Variants in NCAM2 observed in about 807,000 individuals in gnomAD.
The protein encoded by NCAM2 is neural cell adhesion molecule 2, also known as N-CAM-2.
NCAM2 carries 30 observed loss-of-function variants against 98.1 expected under a neutral mutation model. The ratio of observed to expected loss-of-function variants is 0.31; its 90% CI spans 0.23 to 0.41. NCAM2 has a LOEUF of 0.41. Ranked by LOEUF, NCAM2 falls within the 10% of genes least tolerant of loss-of-function variation. NCAM2 has a pLI of 1.00. For missense variants in NCAM2, 867 were observed against 1,005.8 expected (o/e 0.86, Z 1.87); for synonymous variants, 368 against 342.4 (o/e 1.07, Z -0.83).
chr21:21,225,594 T>G (rs1461870333), intron 1 of NCAM2, among the ~76,000 whole-genome samples: 1 of 152,090 alleles, frequency 6.6e-6, no homozygotes, highest in Non-Finnish European at 1.5e-5. Flanking sequence ...GTCTGCATAT[T>G]TTATCACTAG....
intron 1 of NCAM2, among the ~76,000 whole-genome samples, chr21:21,112,450 A>G (rs554681104): frequency 1.6e-4 from 25 of 152,260 alleles, no homozygotes; most frequent in African/African-American, 6.0e-4. Flanking sequence ...TACAACTTCT[A>G]TCAACAGTGT....
At chr21:21,219,927 A>G (rs1307269866) in intron 1 of NCAM2, among the ~76,000 whole-genome samples, 2 of 152,214 alleles carry the variant, frequency 1.3e-5, no homozygotes. Flanking sequence ...TTAACAAAAA[A>G]CATAAAACAG....
chr21:21,417,060 C>T (rs2077009430), intron 10 of NCAM2, among the ~76,000 whole-genome samples: 1 of 151,990 alleles, frequency 6.6e-6, no homozygotes, highest in African/African-American at 2.4e-5. Context: ...AGAAATTGTT[C>T]CAATGAAAAT....
At chr21:21,485,285 T>G (rs1039876816) in intron 15 of NCAM2, among the ~76,000 whole-genome samples, 1 of 152,166 alleles carries the variant, frequency 6.6e-6, no homozygotes, top group Admixed American at 6.5e-5. Context: ...TTTGTATATG[T>G]CTAAAAAGTT....
At chr21:21,071,923 A>C (rs997333990) in intron 1 of NCAM2, among the ~76,000 whole-genome samples, 2,445 of 136,804 alleles carry the variant, frequency 0.018, 6 homozygotes, top group African/African-American at 0.064. Context: ...ATCTATCTAT[A>C]TTTTTTTGAG....
chr21:21,036,508 A>G (rs1232426325), intron 1 of NCAM2, among the ~76,000 whole-genome samples: 1 of 152,254 alleles, frequency 6.6e-6, no homozygotes, highest in African/African-American at 2.4e-5. Flanking sequence ...TTAACAAGAA[A>G]AAACCATACA....
chr21:21,471,724 C>T (rs576216443), intron 14 of NCAM2, among the ~76,000 whole-genome samples: 4 of 152,042 alleles, frequency 2.6e-5, no homozygotes, highest in Non-Finnish European at 5.9e-5. Flanking sequence ...TTGGGTTTCA[C>T]TGGGAAAGGA....
intron 5 of NCAM2, among the ~76,000 whole-genome samples, chr21:21,320,808 T>G (rs1385075225): frequency 6.6e-6 from 1 of 152,166 alleles, no homozygotes. Flanking sequence ...ATGAGGGTAC[T>G]TCATTTGTTA....
chr21:21,359,238 C>G (rs891272065), intron 8 of NCAM2, among the ~76,000 whole-genome samples: 14 of 151,868 alleles, frequency 9.2e-5, no homozygotes, highest in African/African-American at 3.4e-4. Flanking sequence ...TAAGTCCCTG[C>G]TGGGCAGTAG....
chr21:21,074,700 T>G (rs895875742), intron 1 of NCAM2, among the ~76,000 whole-genome samples: 4 of 151,888 alleles, frequency 2.6e-5, no homozygotes, highest in Non-Finnish European at 5.9e-5. Context: ...ATTAGATGGG[T>G]CAAGCTAACA....
chr21:21,394,583 G>T (rs1202708018), intron 9 of NCAM2, among the ~76,000 whole-genome samples: 1 of 141,140 alleles, frequency 7.1e-6, no homozygotes, highest in East Asian at 2.2e-4. Context: ...CCGCCTCCCG[G>T]GTTCACGCCA....
intron 13 of NCAM2, among the ~76,000 whole-genome samples, chr21:21,467,519 G>T (rs749440362): frequency 6.6e-6 from 1 of 150,862 alleles, no homozygotes; most frequent in African/African-American, 2.4e-5. Flanking sequence ...AATCTGTCAG[G>T]TAAGTTTCTT....
intron 1 of NCAM2, among the ~76,000 whole-genome samples, chr21:21,094,997 C>A (rs1031310339): frequency 2.6e-4 from 39 of 151,622 alleles, no homozygotes; most frequent in Non-Finnish European, 3.4e-4. Context: ...AGTTAGCTTT[C>A]TCTATATATA....
At chr21:21,507,589 C>T (rs557679241) in intron 15 of NCAM2, among the ~76,000 whole-genome samples, 2 of 151,860 alleles carry the variant, frequency 1.3e-5, no homozygotes, top group Non-Finnish European at 2.9e-5. Flanking sequence ...GTCAGGAGAT[C>T]GAGACCATCC....
intron 1 of NCAM2, among the ~76,000 whole-genome samples, chr21:21,174,241 A>G (rs989882361): frequency 6.6e-6 from 1 of 152,122 alleles, no homozygotes; most frequent in African/African-American, 2.4e-5. Context: ...CTTTCTTTAA[A>G]GAGTCAGCCA....
intron 1 of NCAM2, among the ~76,000 whole-genome samples, chr21:21,003,780 A>G (rs1181466921): frequency 2.0e-5 from 3 of 152,174 alleles, no homozygotes; most frequent in Non-Finnish European, 2.9e-5. Flanking sequence ...TCATTTATCT[A>G]ACATTTACAG....
intron 15 of NCAM2, among the ~76,000 whole-genome samples, chr21:21,479,143 C>G (rs1002251871): frequency 4.1e-5 from 6 of 144,858 alleles, no homozygotes; most frequent in African/African-American, 1.5e-4. Flanking sequence ...AATGAATTAA[C>G]TTAATCCGTT....
intron 1 of NCAM2, among the ~76,000 whole-genome samples, chr21:21,267,829 T>C (rs2072344945): frequency 6.6e-6 from 1 of 152,292 alleles, no homozygotes; most frequent in East Asian, 1.9e-4. Flanking sequence ...GAATTCACAG[T>C]TTTATGTAAG....
At chr21:21,236,547 A>T (rs1298695411) in intron 1 of NCAM2, among the ~76,000 whole-genome samples, 1 of 152,144 alleles carries the variant, frequency 6.6e-6, no homozygotes, top group Non-Finnish European at 1.5e-5. Context: ...ATAACATAAA[A>T]GAGTAGCTTC....
Sources: allele counts gnomAD v4.1 joint callset (sites outside exome capture counted in the v4.1 genomes callset), GRCh38; gene constraint gnomAD v4.1.1; transcripts MANE v1.5; gene names NCBI Gene and HGNC (gene_info 2026-07-23, HGNC 2026-07-21).